The following SPOCK3 variants were observed in gnomAD, a reference collection of about 807,000 sequenced individuals.
SPOCK3 encodes SPARC (osteonectin), cwcv and kazal like domains proteoglycan 3.
Under a neutral mutation model 56.6 loss-of-function variants are expected in SPOCK3, and 30 were observed. The ratio of observed to expected loss-of-function variants is 0.53; its 90% confidence interval spans 0.40 to 0.72. SPOCK3 has a LOEUF of 0.72. Ranked by LOEUF, SPOCK3 falls within the 30% of genes least tolerant of loss-of-function variation. The pLI, the probability that SPOCK3 is intolerant of heterozygous loss-of-function variation, is 0.00. For synonymous variants in SPOCK3, 196 were observed against 183.3 expected, an observed-to-expected ratio of 1.07 and a Z score of -0.56; for missense variants, 527 against 530.0, an observed-to-expected ratio of 0.99 and a Z score of 0.06.
At chr4:166,983,709 T>C (rs1243634644) in intron 4 of SPOCK3, among the ~76,000 whole-genome samples, 6 of 152,066 alleles carry the variant, frequency 3.9e-5, no homozygotes, top group Non-Finnish European at 8.8e-5. Context: ...AATGTCTTAA[T>C]TAAATATAAA....
chr4:166,924,174 C>A (rs1036873374), intron 4 of SPOCK3, among the ~76,000 whole-genome samples: 4 of 151,932 alleles, frequency 2.6e-5, no homozygotes, highest in Admixed American at 6.6e-5. Flanking sequence ...GTCTTTTTTT[C>A]CTCAATGTTA....
chr4:166,976,751 T>C (rs888647869), intron 4 of SPOCK3, among the ~76,000 whole-genome samples: 2 of 152,108 alleles, frequency 1.3e-5, no homozygotes. Flanking sequence ...AATATTTACT[T>C]AAGTGGTGCC....
chr4:167,196,104 G>A (rs1048774029), intron 2 of SPOCK3, among the ~76,000 whole-genome samples: 12 of 152,098 alleles, frequency 7.9e-5, no homozygotes, highest in African/African-American at 2.9e-4. Context: ...AGCATACTCT[G>A]TGTATACTCA....
chr4:166,963,567 A>G (rs931458279), intron 4 of SPOCK3, among the ~76,000 whole-genome samples: 1 of 152,016 alleles, frequency 6.6e-6, no homozygotes, highest in South Asian at 2.1e-4. Flanking sequence ...AAAATTCATT[A>G]ACTTAAGCAC....
At chr4:166,740,552 G>C (rs1734735016) in intron 9 of SPOCK3, among the ~76,000 whole-genome samples, 2 of 149,820 alleles carry the variant, frequency 1.3e-5, no homozygotes, top group African/African-American at 4.9e-5. Context: ...CTGAGATGGA[G>C]TCTCGCTCTG....
intron 2 of SPOCK3, among the ~76,000 whole-genome samples, chr4:167,079,022 T>A (rs1485312069): frequency 6.6e-6 from 1 of 151,814 alleles, no homozygotes; most frequent in Non-Finnish European, 1.5e-5. Context: ...ATTTATTCTA[T>A]TTAGATGTTT....
intron 2 of SPOCK3, among the ~76,000 whole-genome samples, chr4:167,228,790 G>A (rs1480684626): frequency 6.6e-6 from 1 of 152,010 alleles, no homozygotes; most frequent in African/African-American, 2.4e-5. Context: ...ATTGCCTATT[G>A]CTTCTCTTAA....
chr4:167,022,832 A>C (rs1237501626), intron 3 of SPOCK3, among the ~76,000 whole-genome samples: 1 of 151,962 alleles, frequency 6.6e-6, no homozygotes. Context: ...AACAAGACTA[A>C]ATGATTGGGA....
intron 4 of SPOCK3, among the ~76,000 whole-genome samples, chr4:166,977,979 C>T (rs1746144066): frequency 6.6e-6 from 1 of 152,108 alleles, no homozygotes; most frequent in Non-Finnish European, 1.5e-5. Context: ...AAAGTTATTG[C>T]TACAAATCTG....
At chr4:167,043,986 T>A (rs532403138) in intron 3 of SPOCK3, among the ~76,000 whole-genome samples, 1 of 152,112 alleles carries the variant, frequency 6.6e-6, no homozygotes, top group South Asian at 2.1e-4. Context: ...TTCCTTTGAT[T>A]CTTCTATCTT....
At chr4:166,850,591 G>T (rs1028354588) in intron 6 of SPOCK3, among the ~76,000 whole-genome samples, 1 of 152,194 alleles carries the variant, frequency 6.6e-6, no homozygotes, top group African/African-American at 2.4e-5. Context: ...AGACAGCGGG[G>T]GCAGGTCACT....
At chr4:167,049,975 A>G (rs776543219) in intron 3 of SPOCK3, among the ~76,000 whole-genome samples, 8 of 152,308 alleles carry the variant, frequency 5.3e-5, no homozygotes, top group Non-Finnish European at 4.4e-5. Context: ...AACCACAAAT[A>G]CAAAATTCCA....
At chr4:167,214,168 T>C (rs114400361) in intron 2 of SPOCK3, among the ~76,000 whole-genome samples, 19 of 152,262 alleles carry the variant, frequency 1.2e-4, no homozygotes, top group Non-Finnish European at 2.5e-4. Flanking sequence ...GTTTTAAGAA[T>C]ATAGCAAAGC....
chr4:166,791,675 A>C (rs1488241204), intron 7 of SPOCK3, among the ~76,000 whole-genome samples: 1 of 152,160 alleles, frequency 6.6e-6, no homozygotes, highest in Non-Finnish European at 1.5e-5. Flanking sequence ...AAATTGTAAG[A>C]GGTATATGGC....
chr4:166,766,587 T>C (rs574842385), intron 7 of SPOCK3, among the ~76,000 whole-genome samples: 93 of 152,322 alleles, frequency 6.1e-4, no homozygotes, highest in South Asian at 2.9e-3. Context: ...GGATTCGGTT[T>C]GCCAGTATCT....
intron 2 of SPOCK3, among the ~76,000 whole-genome samples, chr4:167,067,997 A>G (rs900253457): frequency 2.0e-5 from 3 of 151,790 alleles, no homozygotes; most frequent in African/African-American, 7.2e-5. Flanking sequence ...CCCAAAATGA[A>G]TACCTCACTG....
chr4:167,148,154 G>A (rs1172792293), intron 2 of SPOCK3, among the ~76,000 whole-genome samples: 1 of 152,066 alleles, frequency 6.6e-6, no homozygotes, highest in African/African-American at 2.4e-5. Context: ...CGGTGAATTT[G>A]TCTTCCAGGG....
chr4:166,830,582 G>A (rs922970409), intron 6 of SPOCK3, among the ~76,000 whole-genome samples: 2 of 151,900 alleles, frequency 1.3e-5, no homozygotes, highest in East Asian at 1.9e-4. Flanking sequence ...CTTGTCTACC[G>A]AAAATACAAA....
At chr4:167,130,402 T>C (rs906884774) in intron 2 of SPOCK3, among the ~76,000 whole-genome samples, 1 of 152,118 alleles carries the variant, frequency 6.6e-6, no homozygotes, top group East Asian at 1.9e-4. Flanking sequence ...GTGGGTAATA[T>C]ATGGAATATA....
Sources: gnomAD v4.1 joint callset for allele counts (sites outside exome capture counted in the v4.1 genomes callset) on GRCh38, gnomAD v4.1.1 for gene constraint, MANE v1.5 for transcripts, NCBI Gene and HGNC (gene_info 2026-07-23, HGNC 2026-07-21) for gene names.